The following GLIPR1L1 variants were observed in gnomAD, a reference collection of about 807,000 sequenced individuals.
The protein encoded by GLIPR1L1 is GLIPR1-like protein 1.
In GLIPR1L1, 26 loss-of-function variants were observed where a neutral mutation model predicts 29.9. The observed-to-expected ratio is 0.87, with a 90% CI of 0.64 to 1.21. The LOEUF (loss-of-function observed/expected upper bound fraction) is 1.21. Among genes scored for constraint, GLIPR1L1 ranks in the 50% most tolerant of loss-of-function variants. The probability of loss-of-function intolerance (pLI) is 0.00; values close to 1 mark genes in which losing one functional copy is unlikely to be tolerated. For synonymous variants in GLIPR1L1, 77 were observed against 97.5 expected, an observed-to-expected ratio of 0.79 and a Z score of 1.24; for missense variants, 305 against 290.3, an observed-to-expected ratio of 1.05 and a Z score of -0.37.
intron 1 of GLIPR1L1, among the ~76,000 whole-genome samples, chr12:75,342,997 A>G (rs1203603246): frequency 6.6e-6 from 1 of 151,918 alleles, no homozygotes; most frequent in Non-Finnish European, 1.5e-5. Context: ...TTCAACTTTG[A>G]TAACTTCATT....
At chr12:75,361,640 G>A (rs2043600286) in intron 3 of GLIPR1L1, among the ~76,000 whole-genome samples, 1 of 152,192 alleles carries the variant, frequency 6.6e-6, no homozygotes, top group Non-Finnish European at 1.5e-5. Flanking sequence ...CATGACAGAA[G>A]GTGAAGGGGA....
rs781725841 is a variant in GLIPR1L1 at position 75,370,179 on chromosome 12, T to C, written c.*3T>C. The stretch of plus-strand genomic sequence containing the variant: ...TTCTTCTTCTGAGAATCTTTTAATG[T>C]CATTTATATACAAAAGAAATTCTCA... On this transcript the variant is annotated 3_prime_UTR_variant, in exon 6 of 6. Transcript: ENST00000378695. 1 of 1,384,008 alleles carries C rather than the reference T, an allele frequency of 7.2e-7. No individual in the cohort carries two copies. The highest frequency in any genetic ancestry group is 1.0e-6 in the Non-Finnish European group (1 of 973,512). 85.7% of individuals were successfully genotyped at this position (1,384,008 alleles called of 1,614,324 possible).
intron 3 of GLIPR1L1, among the ~76,000 whole-genome samples, chr12:75,362,476 T>G (rs1275308583): frequency 6.6e-6 from 1 of 152,166 alleles, no homozygotes; most frequent in Non-Finnish European, 1.5e-5. Flanking sequence ...ACCAAAAACT[T>G]GACCAACCCA....
chr12:75,339,070 C>T (rs117708357), intron 1 of GLIPR1L1, among the ~76,000 whole-genome samples: 2 of 152,262 alleles, frequency 1.3e-5, no homozygotes, highest in Non-Finnish European at 2.9e-5. Context: ...TATACATGTG[C>T]ATGTATGCTT....
In GLIPR1L1 at chr12:75,370,287, C is replaced by A; in HGVS notation, c.*111C>A. On this transcript the variant is annotated 3_prime_UTR_variant, in exon 6 of 6. Transcript: ENST00000378695. ...TTTACTGAATCTTCTACACTCTTGC[C>A]TGATACCTAAATTTAATGTTTGTTT... 1 of 593,998 alleles carries A rather than the reference C, an allele frequency of 1.7e-6. No individual in the cohort carries two copies. The allele number at this position is 593,998 out of a possible 1,614,324, so 36.8% of individuals were successfully genotyped here.
At chr12:75,353,445 G>A (rs1182603105) in intron 3 of GLIPR1L1, among the ~76,000 whole-genome samples, 2 of 152,158 alleles carry the variant, frequency 1.3e-5, no homozygotes, top group Non-Finnish European at 2.9e-5. Context: ...ACTGAACCAG[G>A]AAGAAGTTGA....
At chr12:75,346,592 T>C (rs569730903) in intron 2 of GLIPR1L1, among the ~76,000 whole-genome samples, 5 of 152,292 alleles carry the variant, frequency 3.3e-5, no homozygotes, top group Non-Finnish European at 7.4e-5. Context: ...GGTTTTGCCA[T>C]GTTGGCCAGG....
intron 3 of GLIPR1L1, among the ~76,000 whole-genome samples, chr12:75,361,719 A>G (rs1449368859): frequency 6.6e-6 from 1 of 152,162 alleles, no homozygotes; most frequent in African/African-American, 2.4e-5. Context: ...ACACTTTTGA[A>G]ACCATCAGAT....
At chr12:75,366,813 G>C in intron 4 of GLIPR1L1, 1 of 697,428 alleles carries the variant, frequency 1.4e-6, no homozygotes, top group East Asian at 2.7e-5. Context: ...CCTCTGAGAG[G>C]GCTAAAAATG....
chr12:75,360,899 T>A (rs2043537820), intron 3 of GLIPR1L1: 1 of 152,172 alleles, frequency 6.6e-6, no homozygotes, highest in Non-Finnish European at 1.5e-5. Flanking sequence ...AGGTTTCCAA[T>A]CTTCAATTCT....
At chr12:75,363,042 A>T in intron 3 of GLIPR1L1, 60 bp from the exon 4 acceptor site, 5 of 807,890 alleles carry the variant, frequency 6.2e-6, no homozygotes, top group Non-Finnish European at 1.0e-5. Context: ...GCATACATGC[A>T]TGAACAAAAT....
chr12:75,366,189 C>T (rs1431621027), intron 4 of GLIPR1L1, among the ~76,000 whole-genome samples: 1 of 152,064 alleles, frequency 6.6e-6, no homozygotes, highest in Non-Finnish European at 1.5e-5. Context: ...TACCTTGTGG[C>T]CACAATCCAT....
At chr12:75,347,572 T>C in intron 2 of GLIPR1L1, 50 bp from the exon 3 acceptor site, 1 of 1,158,258 alleles carries the variant, frequency 8.6e-7, no homozygotes, top group South Asian at 1.3e-5. Flanking sequence ...ATGCATTGTT[T>C]GCATAGAATT....
At chr12:75,337,256 T>C (rs1033167024) in intron 1 of GLIPR1L1, among the ~76,000 whole-genome samples, 1 of 151,776 alleles carries the variant, frequency 6.6e-6, no homozygotes, top group African/African-American at 2.4e-5. Context: ...ATGATCATAA[T>C]TTGATGAAAT....
intron 3 of GLIPR1L1, among the ~76,000 whole-genome samples, chr12:75,353,105 C>G (rs1414927467): frequency 6.6e-6 from 1 of 151,972 alleles, no homozygotes; most frequent in East Asian, 1.9e-4. Flanking sequence ...CAAGAGCAAA[C>G]AAACCCCAAA....
chr12:75,365,521 T>A (rs2043906280), intron 4 of GLIPR1L1, among the ~76,000 whole-genome samples: 1 of 152,146 alleles, frequency 6.6e-6, no homozygotes, highest in Admixed American at 6.5e-5. Context: ...GAAACAAACA[T>A]TATTTACCTT....
chr12:75,337,539 G>A (rs1004956842), intron 1 of GLIPR1L1, among the ~76,000 whole-genome samples: 1 of 151,848 alleles, frequency 6.6e-6, no homozygotes, highest in Non-Finnish European at 1.5e-5. Flanking sequence ...TTATAAAATT[G>A]ACACAATATT....
At chr12:75,358,109 CA>C (rs1169119466) in intron 3 of GLIPR1L1, among the ~76,000 whole-genome samples, 1 of 150,774 alleles carries the variant, frequency 6.6e-6, no homozygotes, top group Non-Finnish European at 1.5e-5. Flanking sequence ...CCATACTGAT[CA>C]AAAAAAGATA....
chr12:75,346,413 C>G (rs1002027318), intron 2 of GLIPR1L1, among the ~76,000 whole-genome samples: 1 of 150,726 alleles, frequency 6.6e-6, no homozygotes, highest in Admixed American at 6.6e-5. Flanking sequence ...TTTTTTGAGA[C>G]GGAGTCTCGC....
Sources: gnomAD v4.1 joint callset for allele counts (sites outside exome capture counted in the v4.1 genomes callset) on GRCh38, gnomAD v4.1.1 for gene constraint, MANE v1.5 for transcripts, NCBI Gene and HGNC (gene_info 2026-07-23, HGNC 2026-07-21) for gene names.